Variants in AHCYL1 observed in about 807,000 individuals in gnomAD.
AHCYL1 encodes the protein S-adenosylhomocysteine hydrolase-like protein 1.
Under a neutral mutation model 79.3 loss-of-function variants are expected in AHCYL1, and 20 were observed. That is an observed-to-expected ratio of 0.25 (90% CI 0.18 to 0.37). The LOEUF (loss-of-function observed/expected upper bound fraction) is 0.37, where lower values mean the gene tolerates loss of function less well. Among genes scored for constraint, AHCYL1 ranks in the 10% least tolerant of loss-of-function variants. The probability of loss-of-function intolerance (pLI) is 1.00; values close to 1 mark genes in which losing one functional copy is unlikely to be tolerated. For missense variants in AHCYL1, 330 were observed against 673.6 expected (o/e 0.49, Z 5.65); for synonymous variants, 223 against 242.2 (o/e 0.92, Z 0.74).
intron 14 of AHCYL1, 87 bp downstream of exon 14, chr1:110,019,206 T>C: frequency 7.8e-7 from 1 of 1,281,310 alleles, no homozygotes; most frequent in Non-Finnish European, 1.1e-6. Flanking sequence ...CTGTACTATG[T>C]TCTCATCATC....
chr1:110,015,287 T>A, intron 6 of AHCYL1, 138 bp from the exon 7 acceptor site: 1 of 721,880 alleles, frequency 1.4e-6, no homozygotes, highest in South Asian at 1.7e-5. Context: ...TTCCACTCTC[T>A]AAGCCTGCTC....
intron 1 of AHCYL1, among the ~76,000 whole-genome samples, chr1:109,987,115 C>T (rs547618536): frequency 6.6e-6 from 1 of 152,286 alleles, no homozygotes; most frequent in African/African-American, 2.4e-5. Flanking sequence ...TATTCTTTAG[C>T]ATTTACGTAG....
In AHCYL1 at chr1:110,009,174, C is replaced by G. The variant is rs748681494; in HGVS notation, c.232+29C>G. On this transcript the variant is annotated intron_variant, in intron 2 of 16. Transcript: ENST00000369799. Reference sequence around the variant, plus strand: ...GGTGTGAATGAACTCCATGTCCTCTCTAATCTCTCTTCCCTGTTTGCTACC... The same window carrying G: ...GGTGTGAATGAACTCCATGTCCTCTGTAATCTCTCTTCCCTGTTTGCTACC... 2.5e-5 allele frequency: 40 copies of G among 1,568,922 alleles called. No homozygotes were observed. In the Middle Eastern group the frequency reaches 6.7e-4, roughly 26 times the overall value.
chr1:110,014,667 C>T, intron 5 of AHCYL1, 96 bp from the exon 6 acceptor site: 1 of 866,454 alleles, frequency 1.2e-6, no homozygotes, highest in South Asian at 1.9e-5. Context: ...GAAATTGTTT[C>T]TTTTGCCTTT....
At chr1:110,018,739 T>G in intron 13 of AHCYL1, 89 bp downstream of exon 13, 84 of 1,100,200 alleles carry the variant, frequency 7.6e-5, no homozygotes, top group Non-Finnish European at 1.0e-4. Flanking sequence ...ATATTAGGCC[T>G]ATGTTTCCCT....
intron 4 of AHCYL1, 137 bp downstream of exon 4, chr1:110,012,599 TG>T (rs1159888874): frequency 2.4e-5 from 17 of 708,732 alleles, no homozygotes; most frequent in Non-Finnish European, 3.4e-5. Flanking sequence ...TACACAATAA[TG>T]GGGTTTTCTG....
chr1:109,985,610 C>T lies in AHCYL1; in HGVS notation c.120+438C>T, dbSNP rs150590050. ...GAGCAGTGGCCGCTTTATCCAACAA[C>T]TGCGTGATAGCTGGGAGGCAAGAGA... On this transcript the variant is annotated intron_variant, in intron 1 of 16. Coordinates refer to ENST00000369799, the MANE Select transcript of AHCYL1 (RefSeq NM_006621.7). 5.7e-4 allele frequency: 534 copies of T among 939,192 alleles called. 6 individuals are homozygous for T. In the East Asian group the frequency reaches 0.038, roughly 66 times the overall value. 58.2% of individuals were successfully genotyped at this position (939,192 alleles called of 1,614,324 possible).
chr1:109,998,985 T>C (rs1650166423), intron 1 of AHCYL1, among the ~76,000 whole-genome samples: 1 of 151,500 alleles, frequency 6.6e-6, no homozygotes. Flanking sequence ...AGTCCCCATC[T>C]TTTACAAAAA....
At chr1:110,006,665 A>G (rs1163627942) in intron 1 of AHCYL1, among the ~76,000 whole-genome samples, 1 of 152,240 alleles carries the variant, frequency 6.6e-6, no homozygotes, top group Non-Finnish European at 1.5e-5. Flanking sequence ...CTGTGAAGAT[A>G]ATCAGTGGAG....
At chr1:110,017,704 TGC>T in intron 10 of AHCYL1, 121 bp downstream of exon 10, 2 of 1,119,036 alleles carry the variant, frequency 1.8e-6, no homozygotes, top group Non-Finnish European at 2.6e-6. Context: ...AGGCTAGGAC[TGC>T]TCTGTTCTTC....
intron 1 of AHCYL1, among the ~76,000 whole-genome samples, chr1:110,002,331 ATCT>A (rs768996993): frequency 1.3e-5 from 2 of 152,356 alleles, no homozygotes; most frequent in South Asian, 4.1e-4. Context: ...AGCCTGGTAT[ATCT>A]TCTTTTGTCA....
chr1:110,001,130 T>A, intron 1 of AHCYL1: 1 of 210,506 alleles, frequency 4.8e-6, no homozygotes, highest in Non-Finnish European at 8.2e-6. Flanking sequence ...TTTAGATCAG[T>A]GATATTCTAG....
chr1:110,009,040 C>A lies in AHCYL1; in HGVS notation c.127C>A (p.Gln43Lys). The A allele has an allele frequency of 6.2e-7, 1 of 1,611,772 alleles. No homozygotes were observed. Residue 43 changes from glutamine to lysine, a missense_variant, in exon 2 of 17, where the codon CAG becomes AAG. Coordinates refer to ENST00000369799, the MANE Select transcript of AHCYL1 (RefSeq NM_006621.7). ...TTGTCTTCCTTTTGTATAGCAAATCCAGTTTGCTGATGACATGCAGGAGTT... is the reference window on the plus strand; with the variant it reads ...TTGTCTTCCTTTTGTATAGCAAATCAAGTTTGCTGATGACATGCAGGAGTT... The part of the protein sequence containing the change: ...TVTKAPKKQI[Q>K]FADDMQEFTK...
intron 15 of AHCYL1, among the ~76,000 whole-genome samples, chr1:110,020,435 G>T (rs1250211257): frequency 6.6e-6 from 1 of 152,130 alleles, no homozygotes. Flanking sequence ...GCCACTGCAG[G>T]GAAGCCCCCT....
At chr1:110,014,893 GATTT>G in intron 6 of AHCYL1, 36 bp downstream of exon 6, 1 of 1,574,000 alleles carries the variant, frequency 6.4e-7, no homozygotes, top group Non-Finnish European at 8.7e-7. Context: ...TTTGACAATA[GATTT>G]ATTTCCTTTT....
At chr1:109,990,254 T>A (rs1389421396) in intron 1 of AHCYL1, among the ~76,000 whole-genome samples, 1 of 152,248 alleles carries the variant, frequency 6.6e-6, no homozygotes, top group Non-Finnish European at 1.5e-5. Flanking sequence ...CGTCCTTTTC[T>A]CATCTGTAAA....
intron 1 of AHCYL1, among the ~76,000 whole-genome samples, chr1:110,006,663 A>G (rs1650677786): frequency 6.6e-6 from 1 of 152,248 alleles, no homozygotes; most frequent in Admixed American, 6.5e-5. Context: ...AGCTGTGAAG[A>G]TAATCAGTGG....
In AHCYL1 at chr1:110,016,493, G is replaced by A. The variant is rs1361412190; in HGVS notation, c.899+33G>A. On this transcript the variant is annotated intron_variant, in intron 8 of 16. Transcript: ENST00000369799. ...GAATGTATATATATTCAAACTTCTA[G>A]GGGCTCTGGTCTTCCTTTGGCTTTA... is the stretch of plus-strand genomic sequence containing the variant. The A allele has an allele frequency of 4.4e-6, 7 of 1,589,516 alleles. 1 individual carries two copies. The East Asian group carries it at 8.9e-5, about 20-fold the overall frequency.
At chr1:110,000,689 G>A (rs530339313) in intron 1 of AHCYL1, among the ~76,000 whole-genome samples, 4 of 152,004 alleles carry the variant, frequency 2.6e-5, no homozygotes, top group East Asian at 3.9e-4. Flanking sequence ...TGTTTCCCCA[G>A]CCTATTCCAA....
Sources: allele counts gnomAD v4.1 joint callset (sites outside exome capture counted in the v4.1 genomes callset), GRCh38; gene constraint gnomAD v4.1.1; transcripts MANE v1.5; gene names NCBI Gene and HGNC (gene_info 2026-07-23, HGNC 2026-07-21).